The following HDAC9 variants were observed in gnomAD, a reference collection of about 807,000 sequenced individuals.
HDAC9 encodes MEF-2 interacting transcription repressor (MITR) protein.
HDAC9 carries 41 observed loss-of-function variants against 139.4 expected under a neutral mutation model. The observed-to-expected ratio is 0.29, with a 90% CI of 0.23 to 0.38. The LOEUF (loss-of-function observed/expected upper bound fraction) is 0.38, where lower values mean the gene tolerates loss of function less well. Among genes scored for constraint, HDAC9 ranks in the 10% least tolerant of loss-of-function variants. HDAC9 has a pLI of 1.00. For synonymous variants in HDAC9, 517 were observed against 476.2 expected (o/e 1.09, Z -1.12); for missense variants, 1,147 against 1,297.0 (o/e 0.88, Z 1.78).
At chr7:18,540,681 T>C (rs1473538194) in intron 2 of HDAC9, among the ~76,000 whole-genome samples, 1 of 152,166 alleles carries the variant, frequency 6.6e-6, no homozygotes, top group Non-Finnish European at 1.5e-5. Context: ...AAGACAGCCT[T>C]GGATGTATAA....
At chr7:18,803,797 G>C (rs377738949) in intron 17 of HDAC9, among the ~76,000 whole-genome samples, 18 of 151,948 alleles carry the variant, frequency 1.2e-4, no homozygotes, top group African/African-American at 4.3e-4. Context: ...ATACGTATTA[G>C]GAAAATCAAA....
At chr7:18,803,819 CCAGT>C (rs1793493867) in intron 17 of HDAC9, among the ~76,000 whole-genome samples, 1 of 151,990 alleles carries the variant, frequency 6.6e-6, no homozygotes, top group Non-Finnish European at 1.5e-5. Flanking sequence ...TTTAATGCAG[CCAGT>C]CAGTGATATT....
chr7:18,980,185 A>C (rs1249287070), intron 25 of HDAC9, among the ~76,000 whole-genome samples: 1 of 152,126 alleles, frequency 6.6e-6, no homozygotes, highest in Non-Finnish European at 1.5e-5. Flanking sequence ...GTGCATGTGA[A>C]GTCTGACTTA....
chr7:18,228,067 G>A (rs1584740295), intron 2 of HDAC9, among the ~76,000 whole-genome samples: 1 of 152,258 alleles, frequency 6.6e-6, no homozygotes, highest in East Asian at 1.9e-4. Flanking sequence ...TGTGAATTGA[G>A]TTTCTTTAGC....
intron 13 of HDAC9, among the ~76,000 whole-genome samples, chr7:18,732,414 CTA>C (rs546101168): frequency 5.9e-4 from 86 of 144,976 alleles, no homozygotes; most frequent in Non-Finnish European, 1.1e-3. Flanking sequence ...GTATACATAT[CTA>C]TGTGCATGTG....
intron 2 of HDAC9, among the ~76,000 whole-genome samples, chr7:18,273,055 C>CTTTTTTT (rs1491175072): frequency 4.4e-5 from 3 of 68,226 alleles, no homozygotes; most frequent in African/African-American, 6.4e-5. Flanking sequence ...TCCCCTTCTT[C>CTTTTTTT]GTTTTTTTTT....
chr7:18,260,311 GTTTTTTTTTTTGT>G (rs1187084478), intron 2 of HDAC9, among the ~76,000 whole-genome samples: 3 of 55,010 alleles, frequency 5.5e-5, no homozygotes, highest in African/African-American at 8.1e-5. Flanking sequence ...ACTTTTTTTT[GTTTTTTTTTTTGT>G]TTTTTTTTTT....
At chr7:18,335,543 A>G (rs760862630) in intron 1 of HDAC9, among the ~76,000 whole-genome samples, 10 of 151,558 alleles carry the variant, frequency 6.6e-5, no homozygotes, top group Non-Finnish European at 1.3e-4. Context: ...GCAAGAGTCT[A>G]TTGGAGCCTG....
intron 21 of HDAC9, among the ~76,000 whole-genome samples, chr7:18,870,311 C>G (rs1042306011): frequency 2.0e-5 from 3 of 152,114 alleles, no homozygotes; most frequent in Admixed American, 6.6e-5. Context: ...GTAGCAAGTC[C>G]TTAATCTTCC....
intron 23 of HDAC9, among the ~76,000 whole-genome samples, chr7:18,950,150 T>C (rs1010159483): frequency 6.6e-6 from 1 of 152,186 alleles, no homozygotes; most frequent in Non-Finnish European, 1.5e-5. Context: ...TTTCATTCCA[T>C]TTTATTGTCA....
chr7:18,621,962 G>A lies in HDAC9; in HGVS notation c.665-7388G>A, dbSNP rs186318249. ...CTAGATTTCTACAATGCCAGCCTGG[G>A]TTATAGGAGAGATTTGGGCAGGAAC... On this transcript the variant is annotated intron_variant, in intron 6 of 25. Coordinates refer to ENST00000686413, the MANE Select transcript of HDAC9 (RefSeq NM_178425.4). Among the ~76,000 whole-genome samples, 5 of 152,318 alleles carry A rather than the reference G, an allele frequency of 3.3e-5. No individual in the cohort carries two copies. In the East Asian group the frequency reaches 9.6e-4, roughly 29 times the overall value.
At chr7:18,922,635 A>T (rs1252852537) in intron 22 of HDAC9, among the ~76,000 whole-genome samples, 1 of 152,146 alleles carries the variant, frequency 6.6e-6, no homozygotes, top group Non-Finnish European at 1.5e-5. Flanking sequence ...CACTTTAAGA[A>T]ATATGAGTTA....
At chr7:18,521,222 A>G (rs1272765549) in intron 2 of HDAC9, among the ~76,000 whole-genome samples, 2 of 152,202 alleles carry the variant, frequency 1.3e-5, no homozygotes, top group Non-Finnish European at 2.9e-5. Context: ...TACAAACCTC[A>G]TTCTTGGATG....
chr7:18,392,198 A>C (rs146251193), intron 1 of HDAC9, among the ~76,000 whole-genome samples: 118 of 152,112 alleles, frequency 7.8e-4, no homozygotes, highest in African/African-American at 2.7e-3. Flanking sequence ...TGGGATTATT[A>C]TAATATGATC....
rs115634690 is a variant in HDAC9, at chr7:18,855,415, A to G, written c.2685-19063A>G. On this transcript the variant is annotated intron_variant, in intron 21 of 25. Coordinates refer to ENST00000686413, the MANE Select transcript of HDAC9 (RefSeq NM_178425.4). ...TGCAATTGTTATTTTATTATTTTTT[A>G]TCCTGGCCCATGGTCAGTAGCTCTA... 2.0e-3 allele frequency among the ~76,000 whole-genome samples: 300 copies of G among 152,038 alleles called. 2 individuals carry two copies. Among genetic ancestry groups the G allele is most frequent in the African/African-American group, 7.1e-3 (293 of 41,486 alleles).
chr7:18,167,761 C>CCTAACT (rs1206296340), intron 2 of HDAC9, among the ~76,000 whole-genome samples: 2 of 152,080 alleles, frequency 1.3e-5, no homozygotes, highest in Admixed American at 6.6e-5. Flanking sequence ...CGTGGCCATA[C>CCTAACT]CTAACTACAA....
intron 2 of HDAC9, among the ~76,000 whole-genome samples, chr7:18,552,608 T>G (rs1400256656): frequency 6.6e-6 from 1 of 152,206 alleles, no homozygotes; most frequent in Non-Finnish European, 1.5e-5. Flanking sequence ...GGTGAGCAAT[T>G]TAACTGCTAC....
At chr7:18,229,140 T>C (rs1175152328) in intron 2 of HDAC9, among the ~76,000 whole-genome samples, 1 of 152,242 alleles carries the variant, frequency 6.6e-6, no homozygotes, top group Non-Finnish European at 1.5e-5. Flanking sequence ...TCTAACCTCA[T>C]ACATAAACCT....
chr7:18,817,170 G>A (rs963527394), intron 17 of HDAC9, among the ~76,000 whole-genome samples: 1 of 152,068 alleles, frequency 6.6e-6, no homozygotes, highest in Admixed American at 6.5e-5. Context: ...GAGTAGCTGA[G>A]ACTACAGGCG....
Sources: gnomAD v4.1 joint callset for allele counts (sites outside exome capture counted in the v4.1 genomes callset) on GRCh38, gnomAD v4.1.1 for gene constraint, MANE v1.5 for transcripts, NCBI Gene and HGNC (gene_info 2026-07-23, HGNC 2026-07-21) for gene names.